Variants in TGFBI observed in about 807,000 individuals in gnomAD.
The protein encoded by TGFBI is transforming growth factor beta induced, also known as transforming growth factor-beta-induced protein ig-h3.
Under a neutral mutation model 73.7 loss-of-function variants are expected in TGFBI, and 50 were observed. That is an observed-to-expected ratio of 0.68 (90% confidence interval 0.54 to 0.86). TGFBI has a LOEUF of 0.86. TGFBI is among the 40% of genes least tolerant of loss of function. The pLI, the probability that TGFBI is intolerant of heterozygous loss-of-function variation, is 0.00. For synonymous variants in TGFBI, 362 were observed against 360.5 expected, an observed-to-expected ratio of 1.00 and a Z score of -0.05; for missense variants, 839 against 877.0, an observed-to-expected ratio of 0.96 and a Z score of 0.55.
chr5:136,056,847 C>G, intron 12 of TGFBI, 52 bp downstream of exon 12: 1 of 1,553,076 alleles, frequency 6.4e-7, no homozygotes, highest in African/African-American at 1.4e-5. Context: ...AGTGATCCCT[C>G]AGGGCCCCAG....
chr5:136,056,930 G>A (rs1004879175), intron 12 of TGFBI, 135 bp downstream of exon 12: 25 of 1,201,070 alleles, frequency 2.1e-5, no homozygotes, highest in South Asian at 4.8e-5. Context: ...AAGAGTGGGC[G>A]GGACTAAAGG....
At position 136,060,889 on chromosome 5, in the gene TGFBI, C is replaced by T. The variant is rs1463793368; in HGVS notation, c.1859C>T (p.Ala620Val). 1 of 1,600,758 alleles carries T rather than the reference C, an allele frequency of 6.2e-7. No individual in the cohort carries two copies. The highest frequency in any genetic ancestry group is 1.3e-5 in the African/African-American group (1 of 74,946). The part of the protein sequence containing the change: ...KEPVAEPDIM[A>V]TNGVVHVITN... ...CCTGTTGCCGAGCCTGACATCATGGCCACAAATGGCGTGGTCCATGTCATC... is the reference window on the plus strand; with the variant it reads ...CCTGTTGCCGAGCCTGACATCATGGTCACAAATGGCGTGGTCCATGTCATC... The change falls in exon 14 of 17, where the codon GCC becomes GTC. Residue 620 changes from alanine (A) to valine (V), a missense_variant. Coordinates refer to ENST00000442011, the MANE Select transcript of TGFBI (RefSeq NM_000358.3).
intron 14 of TGFBI, 103 bp downstream of exon 14, chr5:136,061,039 T>C (rs1751738148): frequency 1.2e-6 from 1 of 839,570 alleles, no homozygotes; most frequent in Non-Finnish European, 1.8e-6. Flanking sequence ...GAATAACATG[T>C]AATTGTGATA....
At position 136,055,131 on chromosome 5, in the gene TGFBI, A is replaced by G. The variant is rs572399793; in HGVS notation, c.1410+270A>G. 80 of 420,658 alleles carry G rather than the reference A, an allele frequency of 1.9e-4. No individual in the cohort carries two copies. In the Middle Eastern group the frequency reaches 4.0e-3, roughly 21 times the overall value. The allele number at this position is 420,658 out of a possible 1,614,324, so 26.1% of individuals were successfully genotyped here. On this transcript the variant is annotated intron_variant, in intron 10 of 16. Transcript: ENST00000442011. The stretch of plus-strand genomic sequence containing the variant: ...GTCCTTCTTGAATTCAGGAATTAAC[A>G]CCTGGGAGGAGGGATGGAGTTCAGA...
At chr5:136,040,619 C>T (rs1173833387) in intron 2 of TGFBI, among the ~76,000 whole-genome samples, 5 of 152,214 alleles carry the variant, frequency 3.3e-5, no homozygotes, top group African/African-American at 9.6e-5. Context: ...TTGGGGACCG[C>T]TGTCCTAAGG....
At chr5:136,056,851 G>A in intron 12 of TGFBI, 56 bp downstream of exon 12, 2 of 1,543,648 alleles carry the variant, frequency 1.3e-6, no homozygotes, top group South Asian at 2.4e-5. Context: ...ATCCCTCAGG[G>A]CCCCAGCAGC....
chr5:136,039,077 T>C (rs1320992307), intron 2 of TGFBI, among the ~76,000 whole-genome samples: 1 of 152,256 alleles, frequency 6.6e-6, no homozygotes, highest in African/African-American at 2.4e-5. Flanking sequence ...ATCAATGGTC[T>C]CATGTAGGGT....
chr5:136,044,134 C>T lies in TGFBI; in HGVS notation c.298+12C>T. The T allele has an allele frequency of 6.2e-7, 1 of 1,610,808 alleles. No homozygotes were observed. Among genetic ancestry groups the T allele is most frequent in the Non-Finnish European group, 8.5e-7 (1 of 1,177,770 alleles). On this transcript the variant is annotated intron_variant, in intron 3 of 16. Coordinates refer to ENST00000442011, the MANE Select transcript of TGFBI (RefSeq NM_000358.3). ...GGGCTGTCCAGCAGGTGAATGAATC[C>T]TCCGGGCCTTGCCTGTTGGTGTGGG...
chr5:136,029,892 A>G (rs1245232372), intron 1 of TGFBI, among the ~76,000 whole-genome samples: 1 of 152,138 alleles, frequency 6.6e-6, no homozygotes, highest in Non-Finnish European at 1.5e-5. Flanking sequence ...GTCTGTCTTA[A>G]AGTAATAGCT....
rs372994080 is a variant in TGFBI at position 136,061,475 on chromosome 5, A to T, written c.1907-25A>T. On this transcript the variant is annotated intron_variant, in intron 14 of 16. Transcript: ENST00000442011. ...CATGCTAATGGTTTCACTCTGGTCA[A>T]ACCTGCCTTTTCTTTCCTCTTCAGC... The T allele has an allele frequency of 7.8e-5, 123 of 1,570,214 alleles. 1 individual carries two copies. The highest frequency in any genetic ancestry group is 7.7e-5 in the Non-Finnish European group (89 of 1,153,024).
intron 2 of TGFBI, among the ~76,000 whole-genome samples, chr5:136,038,343 G>A (rs911265040): frequency 6.6e-6 from 1 of 152,212 alleles, no homozygotes; most frequent in African/African-American, 2.4e-5. Context: ...CTTTGCAGGT[G>A]TGATTAAATT....
Position 136,035,493 on chromosome 5 carries a change from C to T in TGFBI, c.233+1632C>T, listed in dbSNP as rs1045663735. ...ACAAAAATATTAGCGGGCGTGGTGG[C>T]GGGCACCTGTAGTCCCAGCTACTCG... On this transcript the variant is annotated intron_variant, in intron 2 of 16. Coordinates refer to ENST00000442011, the MANE Select transcript of TGFBI (RefSeq NM_000358.3). 5.3e-5 allele frequency among the ~76,000 whole-genome samples: 8 copies of T among 151,848 alleles called. No individual in the cohort carries two copies. The South Asian group carries it at 8.3e-4, about 16-fold the overall frequency.
At chr5:136,044,025 T>G in intron 2 of TGFBI, 33 bp from the exon 3 acceptor site, 1 of 1,598,718 alleles carries the variant, frequency 6.3e-7, no homozygotes, top group East Asian at 2.2e-5. Flanking sequence ...AGTGAAGCCC[T>G]GCCTAACACA....
Position 136,046,838 on chromosome 5 carries a change from T to C in TGFBI, c.460-13T>C, listed in dbSNP as rs1384254102. The C allele has an allele frequency of 2.5e-6, 4 of 1,610,238 alleles. No individual in the cohort carries two copies. In the Admixed American group the frequency reaches 6.7e-5, roughly 27 times the overall value. ...TCTGCAGCCCCTAACTGACACCCTGTCCTTCCTCCTAGGAAGTGCTGGACT... is the reference window on the plus strand; with the variant it reads ...TCTGCAGCCCCTAACTGACACCCTGCCCTTCCTCCTAGGAAGTGCTGGACT... On this transcript the variant is annotated splice_polypyrimidine_tract_variant and intron_variant, in intron 4 of 16. Coordinates refer to ENST00000442011, the MANE Select transcript of TGFBI (RefSeq NM_000358.3).
intron 16 of TGFBI, 34 bp downstream of exon 16, chr5:136,062,721 C>G: frequency 6.4e-7 from 1 of 1,558,160 alleles, no homozygotes; most frequent in South Asian, 1.2e-5. Context: ...TCATTGCAGA[C>G]CTGTTTAGGC....
intron 9 of TGFBI, 64 bp from the exon 10 acceptor site, chr5:136,054,652 T>G (rs747319379): frequency 1.1e-5 from 17 of 1,606,492 alleles, no homozygotes; most frequent in Non-Finnish European, 1.7e-6. Flanking sequence ...TGTATTTATC[T>G]CTCATCACTC....
intron 4 of TGFBI, 175 bp downstream of exon 4, chr5:136,046,670 C>T (rs1317377288): frequency 9.2e-6 from 11 of 1,193,596 alleles, no homozygotes; most frequent in South Asian, 4.9e-5. Context: ...TACCAGGTTG[C>T]GTCTAATGCC....
intron 2 of TGFBI, among the ~76,000 whole-genome samples, chr5:136,037,335 A>C (rs1363704593): frequency 6.6e-6 from 1 of 152,244 alleles, no homozygotes; most frequent in Non-Finnish European, 1.5e-5. Flanking sequence ...GGGAGCAGAC[A>C]GTCAGCATCC....
chr5:136,035,624 CAAAAA>C (rs1191524920), intron 2 of TGFBI, among the ~76,000 whole-genome samples: 4 of 71,832 alleles, frequency 5.6e-5, no homozygotes, highest in African/African-American at 1.3e-4. Context: ...GACACCGTCT[CAAAAA>C]AAAAAAAAAA....
Sources: gnomAD v4.1 joint callset for allele counts (sites outside exome capture counted in the v4.1 genomes callset) on GRCh38, gnomAD v4.1.1 for gene constraint, MANE v1.5 for transcripts, NCBI Gene and HGNC (gene_info 2026-07-23, HGNC 2026-07-21) for gene names.